The following CDH13 variants were observed in gnomAD, a reference collection of about 807,000 sequenced individuals.
The protein encoded by CDH13 is cadherin 13.
Under a neutral mutation model 63.8 loss-of-function variants are expected in CDH13, and 24 were observed. That is an observed-to-expected ratio of 0.38 (90% CI 0.27 to 0.53). The LOEUF (loss-of-function observed/expected upper bound fraction) is 0.53. CDH13 is among the 20% of genes least tolerant of loss of function. The pLI is 0.85. For synonymous variants in CDH13, 503 were observed against 355.3 expected, an observed-to-expected ratio of 1.42 and a Z score of -4.67; for missense variants, 1,049 against 903.1, an observed-to-expected ratio of 1.16 and a Z score of -2.07.
At chr16:83,410,598 A>G (rs11645449) in intron 6 of CDH13, among the ~76,000 whole-genome samples, 12 of 151,880 alleles carry the variant, frequency 7.9e-5, no homozygotes, top group African/African-American at 2.7e-4. Flanking sequence ...TGGTCATGCA[A>G]TGCTATCATA....
chr16:82,899,896 G>A (rs1792223246), intron 2 of CDH13, among the ~76,000 whole-genome samples: 1 of 152,166 alleles, frequency 6.6e-6, no homozygotes, highest in Admixed American at 6.5e-5. Flanking sequence ...CTGGCATTCA[G>A]GATAGTGAGC....
chr16:83,604,859 G>A (rs1431731179), intron 8 of CDH13, among the ~76,000 whole-genome samples: 2 of 152,084 alleles, frequency 1.3e-5, no homozygotes, highest in Non-Finnish European at 1.5e-5. Context: ...TGTGAATTTG[G>A]GTCCTGTGAC....
At chr16:83,076,351 T>C (rs2032833514) in intron 3 of CDH13, among the ~76,000 whole-genome samples, 1 of 152,188 alleles carries the variant, frequency 6.6e-6, no homozygotes, top group South Asian at 2.1e-4. Flanking sequence ...TCCATTGCCA[T>C]GGCTTATTCA....
At chr16:82,907,569 A>G (rs941737581) in intron 2 of CDH13, among the ~76,000 whole-genome samples, 2 of 152,232 alleles carry the variant, frequency 1.3e-5, no homozygotes, top group African/African-American at 4.8e-5. Context: ...AAAACAGTCC[A>G]TGCTTGCAAT....
At chr16:83,704,647 G>A (rs1367536301) in intron 10 of CDH13, among the ~76,000 whole-genome samples, 1 of 152,144 alleles carries the variant, frequency 6.6e-6, no homozygotes, top group Admixed American at 6.5e-5. Flanking sequence ...CTCCTTCCTT[G>A]CCAATTACAT....
At chr16:83,163,857 C>A (rs1265020445) in intron 4 of CDH13, among the ~76,000 whole-genome samples, 1 of 152,036 alleles carries the variant, frequency 6.6e-6, no homozygotes, top group Non-Finnish European at 1.5e-5. Flanking sequence ...TTTTTAATTT[C>A]TGTACCATAT....
intron 4 of CDH13, among the ~76,000 whole-genome samples, chr16:83,150,026 A>T (rs2036908528): frequency 6.6e-6 from 1 of 151,962 alleles, no homozygotes; most frequent in African/African-American, 2.4e-5. Context: ...CCTTTCCCAA[A>T]CCTCTTCCAC....
intron 6 of CDH13, among the ~76,000 whole-genome samples, chr16:83,445,336 A>G (rs2072655320): frequency 6.7e-6 from 1 of 148,882 alleles, no homozygotes; most frequent in Non-Finnish European, 1.5e-5. Context: ...TACCCGAATC[A>G]TTCTTCTACA....
chr16:83,602,315 A>G, intron 7 of CDH13, 139 bp from the exon 8 acceptor site: 2 of 841,246 alleles, frequency 2.4e-6, no homozygotes, highest in Non-Finnish European at 4.1e-6. Context: ...ACAATAGGTA[A>G]AAATGTTATC....
intron 11 of CDH13, among the ~76,000 whole-genome samples, chr16:83,753,333 T>C (rs1913243346): frequency 6.6e-6 from 1 of 152,108 alleles, no homozygotes; most frequent in South Asian, 2.1e-4. Context: ...TGCCTGAACC[T>C]AGGAGTTCAA....
intron 6 of CDH13, among the ~76,000 whole-genome samples, chr16:83,469,344 C>A (rs117435679): frequency 6.6e-6 from 1 of 152,130 alleles, no homozygotes; most frequent in Non-Finnish European, 1.5e-5. Flanking sequence ...GCTCAGTGAA[C>A]GGGCAAGTTA....
chr16:82,741,462 C>T (rs1156453747), intron 1 of CDH13, among the ~76,000 whole-genome samples: 1 of 152,172 alleles, frequency 6.6e-6, no homozygotes, highest in Non-Finnish European at 1.5e-5. Context: ...ATACATATGG[C>T]TATAAAGCAC....
chr16:83,506,263 T>G (rs979305529), intron 7 of CDH13, among the ~76,000 whole-genome samples: 2 of 152,178 alleles, frequency 1.3e-5, no homozygotes, highest in African/African-American at 4.8e-5. Flanking sequence ...CTCAAAGATT[T>G]GGAGCCACTG....
intron 2 of CDH13, among the ~76,000 whole-genome samples, chr16:82,994,163 C>A (rs1036415155): frequency 2.0e-5 from 3 of 152,122 alleles, no homozygotes; most frequent in African/African-American, 4.8e-5. Context: ...TTTTAATGTG[C>A]TGATGCATGA....
At chr16:82,901,207 C>T (rs896996428) in intron 2 of CDH13, among the ~76,000 whole-genome samples, 1 of 151,916 alleles carries the variant, frequency 6.6e-6, no homozygotes, top group African/African-American at 2.4e-5. Flanking sequence ...TGTCTTCTTG[C>T]TCTCATCACA....
chr16:83,719,151 CAG>C (rs1909341896), intron 10 of CDH13, among the ~76,000 whole-genome samples: 2 of 152,174 alleles, frequency 1.3e-5, no homozygotes, highest in South Asian at 2.1e-4. Context: ...CAAATTATTG[CAG>C]AGAGTCCAGT....
rs4782805 is a variant in CDH13 at position 83,504,565 on chromosome 16, C to G, written c.960+17910C>G. On this transcript the variant is annotated intron_variant, in intron 7 of 13. Coordinates refer to ENST00000567109, the MANE Select transcript of CDH13 (RefSeq NM_001257.5). The stretch of plus-strand genomic sequence containing the variant: ...AGGCCAGATCTTTATGACCTGGACT[C>G]CACGTTTTGGGATTCTAGCAAGATG... Among the ~76,000 whole-genome samples the G allele has an allele frequency of 2.6e-5, 4 of 151,964 alleles. No individual in the cohort carries two copies. In the South Asian group the frequency reaches 8.3e-4, roughly 32 times the overall value.
chr16:83,083,326 C>A (rs1316175894), intron 3 of CDH13, among the ~76,000 whole-genome samples: 1 of 152,056 alleles, frequency 6.6e-6, no homozygotes, highest in African/African-American at 2.4e-5. Flanking sequence ...AACTCTATAC[C>A]GTACAGTATA....
intron 5 of CDH13, among the ~76,000 whole-genome samples, chr16:83,316,410 C>G (rs2090106347): frequency 6.6e-6 from 1 of 152,156 alleles, no homozygotes; most frequent in Non-Finnish European, 1.5e-5. Flanking sequence ...GGATTTCCAG[C>G]ATCATAAACT....
Sources: gnomAD v4.1 joint callset for allele counts (sites outside exome capture counted in the v4.1 genomes callset) on GRCh38, gnomAD v4.1.1 for gene constraint, MANE v1.5 for transcripts, NCBI Gene and HGNC (gene_info 2026-07-23, HGNC 2026-07-21) for gene names.